The following SRGAP1 variants were observed in gnomAD, a reference collection of about 807,000 sequenced individuals.
SRGAP1 encodes the protein SLIT-ROBO Rho GTPase-activating protein 1.
In SRGAP1, 43 loss-of-function variants were observed where a neutral mutation model predicts 121.9. The observed-to-expected ratio is 0.35, with a 90% CI of 0.28 to 0.46. The LOEUF (loss-of-function observed/expected upper bound fraction) is 0.46. Among genes scored for constraint, SRGAP1 ranks in the 20% least tolerant of loss-of-function variants. The pLI is 1.00. For synonymous variants in SRGAP1, 447 were observed against 485.4 expected (o/e 0.92, Z 1.04); for missense variants, 1,102 against 1,350.9 (o/e 0.82, Z 2.89).
intron 1 of SRGAP1, among the ~76,000 whole-genome samples, chr12:63,930,319 C>T (rs1440933266): frequency 3.2e-5 from 4 of 123,220 alleles, no homozygotes; most frequent in South Asian, 5.2e-4. Context: ...GGTGAAACAT[C>T]GTCTCTACTA....
At chr12:64,087,059 A>AT in intron 11 of SRGAP1, 33 bp downstream of exon 11, 1 of 1,519,172 alleles carries the variant, frequency 6.6e-7, no homozygotes, top group Non-Finnish European at 9.0e-7. Context: ...CTTATAGCGT[A>AT]TTTTACTTTC....
intron 2 of SRGAP1, among the ~76,000 whole-genome samples, chr12:63,984,354 A>G (rs561874292): frequency 1.3e-5 from 2 of 152,236 alleles, no homozygotes; most frequent in East Asian, 3.9e-4. Flanking sequence ...TCTTTCCAAT[A>G]CATATATATT....
intron 1 of SRGAP1, chr12:63,871,675 A>C (rs1221744702): frequency 1.5e-6 from 1 of 675,762 alleles, no homozygotes; most frequent in Non-Finnish European, 2.6e-6. Context: ...GTATTTTCCT[A>C]CAGGTAATTT....
intron 3 of SRGAP1, among the ~76,000 whole-genome samples, chr12:64,015,908 G>GA (rs1209446957): frequency 6.6e-6 from 1 of 151,976 alleles, no homozygotes; most frequent in Non-Finnish European, 1.5e-5. Context: ...CAAAATGGGG[G>GA]AAAAAAGGTC....
At position 64,153,811 on chromosome 12, in the gene SRGAP1, T is replaced by C. The variant is rs1221155378; in HGVS notation, c.*11139T>C. 1 of 152,176 alleles carries C rather than the reference T, an allele frequency of 6.6e-6. No homozygotes were observed. The highest frequency in any genetic ancestry group is 2.4e-5 in the African/African-American group (1 of 41,446). The allele number at this position is 152,176 out of a possible 1,614,324, so 9.4% of individuals were successfully genotyped here. ...TCCACCAAGCCCACTTCTGGGTACA[T>C]ATCCAAAAGAATTGAAAACAGAAGA... On this transcript the variant is annotated 3_prime_UTR_variant, in exon 22 of 22. Transcript: ENST00000355086.
At chr12:63,932,145 G>A (rs1017836741) in intron 1 of SRGAP1, among the ~76,000 whole-genome samples, 1 of 152,160 alleles carries the variant, frequency 6.6e-6, no homozygotes, top group African/African-American at 2.4e-5. Context: ...GCTGGGCGTG[G>A]TGGCACATGC....
In SRGAP1 at chr12:64,153,340, G is replaced by A. The variant is rs900961557; in HGVS notation, c.*10668G>A. On this transcript the variant is annotated 3_prime_UTR_variant, in exon 22 of 22. Transcript: ENST00000355086. ...TACTTAAAATTAGCCGGGCTTGGTG[G>A]TGCACAACTGTAATCCCACCTACTC... The A allele has an allele frequency of 3.3e-5, 5 of 152,086 alleles. No homozygotes were observed. The highest frequency in any genetic ancestry group is 7.3e-5 in the Non-Finnish European group (5 of 68,062). The allele number at this position is 152,086 out of a possible 1,614,324, so 9.4% of individuals were successfully genotyped here.
intron 8 of SRGAP1, among the ~76,000 whole-genome samples, chr12:64,072,070 C>T (rs1245774262): frequency 7.4e-6 from 1 of 134,886 alleles, no homozygotes; most frequent in Non-Finnish European, 1.5e-5. Context: ...GTTTCTGTAC[C>T]CTTGGCTAAT....
At chr12:64,093,927 A>G (rs780251261) in intron 12 of SRGAP1, among the ~76,000 whole-genome samples, 2 of 152,152 alleles carry the variant, frequency 1.3e-5, no homozygotes, top group Non-Finnish European at 2.9e-5. Context: ...CCCACTGCTT[A>G]ATTGGAAAGG....
chr12:63,975,005 A>AAGT (rs2033055566), intron 1 of SRGAP1, among the ~76,000 whole-genome samples: 1 of 152,180 alleles, frequency 6.6e-6, no homozygotes, highest in South Asian at 2.1e-4. Flanking sequence ...CCCTTAAACT[A>AAGT]AGTAGTCTGC....
At chr12:64,118,545 A>G (rs2036557643) in intron 18 of SRGAP1, among the ~76,000 whole-genome samples, 1 of 152,082 alleles carries the variant, frequency 6.6e-6, no homozygotes, top group African/African-American at 2.4e-5. Flanking sequence ...TATAGGCATG[A>G]GCCATTGTGT....
intron 6 of SRGAP1, among the ~76,000 whole-genome samples, chr12:64,060,498 G>T (rs564595089): frequency 6.6e-6 from 1 of 152,054 alleles, no homozygotes; most frequent in Admixed American, 6.6e-5. Context: ...GTGAGCCACC[G>T]CGCCCAGCCA....
At chr12:64,010,726 A>G (rs2034229044) in intron 3 of SRGAP1, among the ~76,000 whole-genome samples, 1 of 152,104 alleles carries the variant, frequency 6.6e-6, no homozygotes, top group Non-Finnish European at 1.5e-5. Context: ...TCAAGTGTGT[A>G]ATAAGGACCA....
chr12:63,896,007 A>G (rs1900743084), intron 1 of SRGAP1, among the ~76,000 whole-genome samples: 2 of 152,104 alleles, frequency 1.3e-5, no homozygotes, highest in Admixed American at 1.3e-4. Flanking sequence ...ATAAGACTCA[A>G]TGTGCTGTTA....
intron 4 of SRGAP1, among the ~76,000 whole-genome samples, chr12:64,028,563 T>C (rs2034703403): frequency 6.6e-6 from 1 of 152,220 alleles, no homozygotes; most frequent in South Asian, 2.1e-4. Context: ...GAAACTTATT[T>C]TCCAGTTCTA....
At chr12:63,918,394 T>A (rs1257767771) in intron 1 of SRGAP1, among the ~76,000 whole-genome samples, 1 of 152,172 alleles carries the variant, frequency 6.6e-6, no homozygotes, top group Non-Finnish European at 1.5e-5. Flanking sequence ...TCAGGGTTCA[T>A]GAACTAAGCC....
chr12:63,952,285 G>A (rs2032323933), intron 1 of SRGAP1, among the ~76,000 whole-genome samples: 1 of 152,216 alleles, frequency 6.6e-6, no homozygotes, highest in South Asian at 2.1e-4. Context: ...GCCAAGGCAG[G>A]AGGATTGCTT....
chr12:64,054,493 A>G (rs946080229), intron 6 of SRGAP1, among the ~76,000 whole-genome samples: 1 of 152,144 alleles, frequency 6.6e-6, no homozygotes, highest in South Asian at 2.1e-4. Context: ...TCCCCCATAT[A>G]ACGGTATTAA....
At chr12:63,972,502 T>A (rs1226866104) in intron 1 of SRGAP1, among the ~76,000 whole-genome samples, 1 of 152,156 alleles carries the variant, frequency 6.6e-6, no homozygotes, top group Non-Finnish European at 1.5e-5. Flanking sequence ...CAAACCATTT[T>A]TTTGAATTGG....
Sources: allele counts gnomAD v4.1 joint callset (sites outside exome capture counted in the v4.1 genomes callset), GRCh38; gene constraint gnomAD v4.1.1; transcripts MANE v1.5; gene names NCBI Gene and HGNC (gene_info 2026-07-23, HGNC 2026-07-21).